The following SLC9A3 variants were observed in gnomAD, a reference collection of about 807,000 sequenced individuals.
SLC9A3 encodes the protein sodium/hydrogen exchanger 3.
A neutral mutation model predicts 86.8 loss-of-function variants in SLC9A3; 37 were observed. The observed-to-expected ratio is 0.43, with a 90% CI of 0.33 to 0.56. The LOEUF (loss-of-function observed/expected upper bound fraction) is 0.56, where lower values mean the gene tolerates loss of function less well. SLC9A3 is among the 20% of genes least tolerant of loss of function. SLC9A3 has a pLI of 0.06. For synonymous variants in SLC9A3, 581 were observed against 528.3 expected, an observed-to-expected ratio of 1.10 and a Z score of -1.37; for missense variants, 1,011 against 1,171.9, an observed-to-expected ratio of 0.86 and a Z score of 2.00.
At chr5:498,346 C>T (rs1187592673) in intron 1 of SLC9A3, among the ~76,000 whole-genome samples, 1 of 152,186 alleles carries the variant, frequency 6.6e-6, no homozygotes, top group Non-Finnish European at 1.5e-5. Context: ...CACACTTGTC[C>T]CGGGCTGGGC....
chr5:501,438 G>T (rs757509106), intron 1 of SLC9A3, among the ~76,000 whole-genome samples: 1 of 152,238 alleles, frequency 6.6e-6, no homozygotes, highest in Non-Finnish European at 1.5e-5. Context: ...CTGGCTGAGC[G>T]GTGGGGCGGT....
chr5:488,275 C>A, intron 3 of SLC9A3, 41 bp downstream of exon 3: 1 of 1,606,262 alleles, frequency 6.2e-7, no homozygotes, highest in African/African-American at 1.3e-5. Context: ...CCCAGGCCTC[C>A]CACGGCTCGC....
At chr5:492,279 G>A (rs1253127953) in intron 1 of SLC9A3, among the ~76,000 whole-genome samples, 6 of 78,218 alleles carry the variant, frequency 7.7e-5, no homozygotes, top group South Asian at 4.5e-4. Context: ...GAGGGAGGTC[G>A]GGGTGGGACC....
intron 1 of SLC9A3, among the ~76,000 whole-genome samples, chr5:506,451 G>A (rs906553371): frequency 6.6e-6 from 1 of 152,168 alleles, no homozygotes; most frequent in African/African-American, 2.4e-5. Context: ...AGGGCCCGGG[G>A]TCCTCCCGAG....
chr5:471,698 G>C lies in SLC9A3; in HGVS notation c.*1681C>G, dbSNP rs1421300718. 2.3e-6 allele frequency: 1 copy of C among 441,068 alleles called. No homozygotes were observed. The highest frequency in any genetic ancestry group is 7.0e-5 in the East Asian group (1 of 14,286). 27.3% of individuals were successfully genotyped at this position (441,068 alleles called of 1,614,324 possible). A position where few individuals can be genotyped will look rare whatever the true frequency, so the allele number is the denominator to read the frequency against. On this transcript the variant is annotated 3_prime_UTR_variant, in exon 17 of 17. Transcript: ENST00000264938. ...TTGGTTGAAATGGCTACGAAGTGTG[G>C]AGAATAACCACTGAATCCCAAAAAG...
rs143094740 is a variant in SLC9A3 at position 471,382 on chromosome 5, C to T, written c.*1997G>A. ...CAGCGCCTGGAATCGCCATGCATTG[C>T]GCGGTGGACCGCACGACGCTCCTGC... is the stretch of plus-strand genomic sequence containing the variant. On this transcript the variant is annotated 3_prime_UTR_variant, in exon 17 of 17. Coordinates refer to ENST00000264938, the MANE Select transcript of SLC9A3 (RefSeq NM_004174.4). The T allele has an allele frequency of 1.0e-4, 28 of 274,070 alleles. No individual in the cohort carries two copies. In the East Asian group the frequency reaches 2.5e-3, roughly 24 times the overall value. The allele number at this position is 274,070 out of a possible 1,614,324, so 17.0% of individuals were successfully genotyped here. A position where few individuals can be genotyped will look rare whatever the true frequency, so the allele number is the denominator to read the frequency against.
chr5:490,646 A>C (rs368331339), intron 2 of SLC9A3, among the ~76,000 whole-genome samples: 43 of 152,312 alleles, frequency 2.8e-4, no homozygotes, highest in Middle Eastern at 3.4e-3. Context: ...GCGAGGGGCC[A>C]TCTGGCAAGG....
At chr5:480,236 A>G (rs540920008) in intron 9 of SLC9A3, 90 of 394,846 alleles carry the variant, frequency 2.3e-4, no homozygotes, top group African/African-American at 1.7e-3. Flanking sequence ...AGGCCTGGTC[A>G]GGCAAGGGGG....
At chr5:508,563 A>G (rs1372349863) in intron 1 of SLC9A3, among the ~76,000 whole-genome samples, 3 of 143,394 alleles carry the variant, frequency 2.1e-5, no homozygotes, top group Non-Finnish European at 4.5e-5. Context: ...AGGGAAACTC[A>G]GGCCTCAGCG....
Position 471,781 on chromosome 5 carries a change from C to T in SLC9A3, c.*1598G>A. 1 of 456,524 alleles carries T rather than the reference C, an allele frequency of 2.2e-6. No individual in the cohort carries two copies. 28.3% of individuals were successfully genotyped at this position (456,524 alleles called of 1,614,324 possible). ...ACTGCAGTTAGGGTCGAGAGCTTCT[C>T]CGAAGCAGCGGTCATGCAGGCTTTT... On this transcript the variant is annotated 3_prime_UTR_variant, in exon 17 of 17. Coordinates refer to ENST00000264938, the MANE Select transcript of SLC9A3 (RefSeq NM_004174.4).
intron 1 of SLC9A3, among the ~76,000 whole-genome samples, chr5:495,323 C>CACAGGGA (rs1560963785): frequency 2.0e-5 from 3 of 152,086 alleles, no homozygotes; most frequent in Non-Finnish European, 2.9e-5. Flanking sequence ...GACACAGGGA[C>CACAGGGA]CAGCTTTGTC....
chr5:484,762 T>G, intron 4 of SLC9A3, 65 bp from the exon 5 acceptor site: 6 of 1,529,868 alleles, frequency 3.9e-6, no homozygotes, highest in Non-Finnish European at 5.4e-6. Flanking sequence ...AGGGGCCGCC[T>G]GGTGACCCCG....
In SLC9A3 at chr5:484,710, C is replaced by T. The variant is rs377078425; in HGVS notation, c.755-13G>A. 113 of 1,611,466 alleles carry T rather than the reference C, an allele frequency of 7.0e-5. No individual in the cohort carries two copies. The highest frequency in any genetic ancestry group is 8.9e-5 in the East Asian group (4 of 44,834). On this transcript the variant is annotated splice_polypyrimidine_tract_variant and intron_variant, in intron 4 of 16. Coordinates refer to ENST00000264938, the MANE Select transcript of SLC9A3 (RefSeq NM_004174.4). ...ACGAAGAAGGACACTGGGTAGAGGA[C>T]GCCCTTTGTGGCCGTGCCGGCCTTC...
rs1738401914 is a variant in SLC9A3 at position 472,290 on chromosome 5, C to T, written c.*1089G>A. On this transcript the variant is annotated 3_prime_UTR_variant, in exon 17 of 17. Transcript: ENST00000264938. ...AGGGTCAGGGGTCCGGGGTCTAGGA[C>T]AGGCTCAGGGGTCTCAGCAGGTTCT... 3 of 347,464 alleles carry T rather than the reference C, an allele frequency of 8.6e-6. No homozygotes were observed. Among genetic ancestry groups the T allele is most frequent in the Non-Finnish European group, 1.7e-5 (3 of 176,508 alleles). 21.5% of individuals were successfully genotyped at this position (347,464 alleles called of 1,614,324 possible). A position where few individuals can be genotyped will look rare whatever the true frequency, so the allele number is the denominator to read the frequency against.
At chr5:520,131 G>A (rs1321444165) in intron 1 of SLC9A3, among the ~76,000 whole-genome samples, 7 of 151,696 alleles carry the variant, frequency 4.6e-5, no homozygotes, top group Admixed American at 2.0e-4. Flanking sequence ...CCCTCAAGGC[G>A]CCACCTCCCT....
intron 1 of SLC9A3, among the ~76,000 whole-genome samples, chr5:511,431 G>C (rs1740864758): frequency 6.6e-6 from 1 of 152,226 alleles, no homozygotes; most frequent in African/African-American, 2.4e-5. Context: ...AACATACAAA[G>C]GACTCTAAAA....
intron 1 of SLC9A3, among the ~76,000 whole-genome samples, chr5:519,117 C>T (rs1248013097): frequency 6.6e-6 from 1 of 152,178 alleles, no homozygotes; most frequent in Non-Finnish European, 1.5e-5. Context: ...CCTGTGGAGA[C>T]TCCTGGGAGA....
At chr5:485,898 G>A (rs977420288) in intron 3 of SLC9A3, among the ~76,000 whole-genome samples, 1 of 152,186 alleles carries the variant, frequency 6.6e-6, no homozygotes, top group African/African-American at 2.4e-5. Flanking sequence ...GGGCCTTCTC[G>A]GAGCTGGGCT....
intron 1 of SLC9A3, among the ~76,000 whole-genome samples, chr5:521,194 T>C (rs1039220801): frequency 5.9e-5 from 9 of 152,256 alleles, no homozygotes; most frequent in Non-Finnish European, 1.2e-4. Flanking sequence ...GGAACCCCAG[T>C]GCACACAAAT....
Sources: allele counts gnomAD v4.1 joint callset (sites outside exome capture counted in the v4.1 genomes callset), GRCh38; gene constraint gnomAD v4.1.1; transcripts MANE v1.5; gene names NCBI Gene and HGNC (gene_info 2026-07-23, HGNC 2026-07-21).